The following MMP26 variants were observed in gnomAD, a reference collection of about 807,000 sequenced individuals.
MMP26 encodes matrix metalloproteinase-26.
MMP26 carries 33 observed loss-of-function variants against 31.0 expected under a neutral mutation model. The ratio of observed to expected loss-of-function variants is 1.06; its 90% CI spans 0.81 to 1.42. The LOEUF (loss-of-function observed/expected upper bound fraction) is 1.42, where lower values mean the gene tolerates loss of function less well. MMP26 is among the 40% of genes most tolerant of loss of function. MMP26 has a pLI of 0.00. For synonymous variants in MMP26, 122 were observed against 114.9 expected (o/e 1.06, Z -0.40); for missense variants, 347 against 316.1 (o/e 1.10, Z -0.74).
At chr11:4,872,145 A>G (rs545338306) in intron 2 of MMP26, among the ~76,000 whole-genome samples, 2 of 152,256 alleles carry the variant, frequency 1.3e-5, no homozygotes, top group African/African-American at 4.8e-5. Context: ...GTAAATGGCT[A>G]AGAACAGAGC....
intron 2 of MMP26, among the ~76,000 whole-genome samples, chr11:4,820,203 T>A (rs138167839): frequency 6.6e-6 from 1 of 152,338 alleles, no homozygotes; most frequent in East Asian, 1.9e-4. Context: ...GCAGGTTTCA[T>A]CCTCATTTCT....
At chr11:4,738,600 A>G (rs577064984) in intron 1 of MMP26, among the ~76,000 whole-genome samples, 20 of 152,348 alleles carry the variant, frequency 1.3e-4, no homozygotes, top group Admixed American at 1.2e-3. Context: ...AAACAGTAAT[A>G]TATGTAAAAA....
chr11:4,986,345 T>G lies in MMP26; in HGVS notation c.-144-1723T>G, dbSNP rs955748959. On this transcript the variant is annotated intron_variant, in intron 2 of 7. Transcript: ENST00000380390. ...ATCTTCCATTTTAATTCTTTTATTT[T>G]TATTTTTTTATTTTTTCTTGGAGAT... Among the ~76,000 whole-genome samples the G allele has an allele frequency of 4.0e-5, 6 of 151,812 alleles. No homozygotes were observed. The South Asian group carries it at 1.2e-3, about 32-fold the overall frequency.
rs187785346 is a variant in MMP26 at position 4,840,783 on chromosome 11, C to T, written c.-145+73442C>T. Among the ~76,000 whole-genome samples the T allele has an allele frequency of 8.3e-4, 126 of 152,224 alleles. No individual in the cohort carries two copies. In the Middle Eastern group the frequency reaches 0.024, roughly 29 times the overall value. ...TGACCAAACAGTGAATAACATTGTACAGGAAAACATGACCTCACCAAATAA... is the reference window on the plus strand; with the variant it reads ...TGACCAAACAGTGAATAACATTGTATAGGAAAACATGACCTCACCAAATAA... On this transcript the variant is annotated intron_variant, in intron 2 of 7. Coordinates refer to ENST00000380390, the MANE Select transcript of MMP26 (RefSeq NM_021801.5).
At chr11:4,817,023 T>G (rs1222805506) in intron 2 of MMP26, among the ~76,000 whole-genome samples, 3 of 151,902 alleles carry the variant, frequency 2.0e-5, no homozygotes, top group Admixed American at 2.0e-4. Flanking sequence ...GGTTGATGTG[T>G]CATTATTTTT....
chr11:4,933,690 A>T (rs1327800497), intron 2 of MMP26, among the ~76,000 whole-genome samples: 4 of 151,130 alleles, frequency 2.6e-5, no homozygotes, highest in African/African-American at 9.7e-5. Context: ...GTCATCTAGC[A>T]TTAGGTATAT....
intron 1 of MMP26, chr11:4,711,021 A>G (rs1048188919): frequency 2.0e-5 from 3 of 152,524 alleles, no homozygotes; most frequent in African/African-American, 7.2e-5. Flanking sequence ...AGAGTACTTG[A>G]GGTCACCTTG....
At chr11:4,949,907 C>G (rs1846355643) in intron 2 of MMP26, among the ~76,000 whole-genome samples, 1 of 122,444 alleles carries the variant, frequency 8.2e-6, no homozygotes, top group African/African-American at 2.7e-5. Context: ...TTCAGGTACC[C>G]AGAATATGCC....
At chr11:4,872,082 A>G (rs926378865) in intron 2 of MMP26, among the ~76,000 whole-genome samples, 1 of 152,112 alleles carries the variant, frequency 6.6e-6, no homozygotes, top group African/African-American at 2.4e-5. Flanking sequence ...CAATAGCAGT[A>G]ATAATAGTGC....
At chr11:4,723,684 G>A in intron 1 of MMP26, 5 of 914,840 alleles carry the variant, frequency 5.5e-6, no homozygotes, top group Non-Finnish European at 9.1e-6. Flanking sequence ...GCCCTTGCAT[G>A]TTGCCAAGCT....
intron 1 of MMP26, among the ~76,000 whole-genome samples, chr11:4,764,661 G>A (rs932485293): frequency 4.6e-5 from 7 of 152,214 alleles, no homozygotes; most frequent in African/African-American, 9.6e-5. Flanking sequence ...ACGAGGTCAG[G>A]AGATCCAGAC....
rs1279687503 is a variant in MMP26 at position 4,955,478 on chromosome 11, G to A, written c.-144-32590G>A. ...GAAGATGCTTAACACAGTGGGCAGA[G>A]ATGATAAAGACAAACCCAAGTCTGA... On this transcript the variant is annotated intron_variant, in intron 2 of 7. Transcript: ENST00000380390. 1.5e-5 allele frequency: 19 copies of A among 1,290,186 alleles called. 4 individuals carry two copies. The South Asian group carries it at 2.0e-4, about 14-fold the overall frequency. The allele number at this position is 1,290,186 out of a possible 1,614,324, so 79.9% of individuals were successfully genotyped here. A position where few individuals can be genotyped will look rare whatever the true frequency, so the allele number is the denominator to read the frequency against.
intron 2 of MMP26, chr11:4,944,348 C>T (rs1047766080): frequency 2.4e-5 from 4 of 165,576 alleles, no homozygotes; most frequent in African/African-American, 9.6e-5. Context: ...CTCTCAGAGC[C>T]TCAATCTCTT....
intron 2 of MMP26, chr11:4,919,126 G>C (rs1054317251): frequency 2.0e-5 from 3 of 152,196 alleles, no homozygotes; most frequent in Non-Finnish European, 4.4e-5. Context: ...CTGGTGCTAA[G>C]ATCAGACCTG....
chr11:4,932,241 G>C (rs1315480032), intron 2 of MMP26, among the ~76,000 whole-genome samples: 1 of 152,002 alleles, frequency 6.6e-6, no homozygotes, highest in Non-Finnish European at 1.5e-5. Context: ...GGTCTGTGTT[G>C]TATAAACGGC....
intron 2 of MMP26, among the ~76,000 whole-genome samples, chr11:4,816,332 T>A (rs1438049480): frequency 6.6e-6 from 1 of 152,190 alleles, no homozygotes; most frequent in African/African-American, 2.4e-5. Context: ...TAGAAGAATA[T>A]GTATTCTGTA....
intron 2 of MMP26, among the ~76,000 whole-genome samples, chr11:4,797,941 A>G (rs554323125): frequency 2.6e-5 from 4 of 152,316 alleles, no homozygotes; most frequent in African/African-American, 9.6e-5. Flanking sequence ...GAAGTAATCC[A>G]AAAGGTGCTA....
At chr11:4,779,378 CT>C (rs1223689813) in intron 2 of MMP26, among the ~76,000 whole-genome samples, 5 of 151,864 alleles carry the variant, frequency 3.3e-5, no homozygotes, top group Non-Finnish European at 7.4e-5. Flanking sequence ...AATGTTCTTA[CT>C]GAGTTATTTT....
At chr11:4,982,154 CTGAA>C (rs1163251255) in intron 2 of MMP26, among the ~76,000 whole-genome samples, 2 of 151,806 alleles carry the variant, frequency 1.3e-5, no homozygotes, top group African/African-American at 2.4e-5. Flanking sequence ...TGAGTACACT[CTGAA>C]TGATAAAATT....
Sources: gnomAD v4.1 joint callset for allele counts (sites outside exome capture counted in the v4.1 genomes callset) on GRCh38, gnomAD v4.1.1 for gene constraint, MANE v1.5 for transcripts, NCBI Gene and HGNC (gene_info 2026-07-23, HGNC 2026-07-21) for gene names.